The following ADGB variants were observed in gnomAD, a reference collection of about 807,000 sequenced individuals.
ADGB encodes calpain-7-like protein.
Under a neutral mutation model 210.5 loss-of-function variants are expected in ADGB, and 172 were observed. The observed-to-expected ratio is 0.82, with a 90% CI of 0.72 to 0.93. The LOEUF is 0.93. Ranked by LOEUF, ADGB falls within the 40% of genes least tolerant of loss-of-function variation. The pLI, the probability that ADGB is intolerant of heterozygous loss-of-function variation, is 0.00. For missense variants in ADGB, 2,025 were observed against 1,964.8 expected, an observed-to-expected ratio of 1.03 and a Z score of -0.58; for synonymous variants, 658 against 662.7, an observed-to-expected ratio of 0.99 and a Z score of 0.11.
At chr6:146,643,910 A>C (rs1027600531) in intron 2 of ADGB, among the ~76,000 whole-genome samples, 1 of 151,536 alleles carries the variant, frequency 6.6e-6, no homozygotes. Flanking sequence ...AAGATTTCAT[A>C]CTTCCTTACA....
At chr6:146,720,093 C>A (rs56113859) in intron 16 of ADGB, among the ~76,000 whole-genome samples, 32,898 of 151,732 alleles carry the variant, frequency 0.22, 4,443 homozygotes, top group Non-Finnish European at 0.32. Flanking sequence ...ATGTGAAAAA[C>A]TTTTAAAGTA....
At chr6:146,684,295 T>G (rs535523924) in intron 9 of ADGB, among the ~76,000 whole-genome samples, 233 of 152,272 alleles carry the variant, frequency 1.5e-3, no homozygotes, top group African/African-American at 5.3e-3. Context: ...TTTTAAAATT[T>G]TATCCATTTT....
At chr6:146,638,942 C>G (rs1472941951) in intron 2 of ADGB, 1 of 150,368 alleles carries the variant, frequency 6.7e-6, no homozygotes, top group Non-Finnish European at 1.5e-5. Context: ...CTCTCCAGAT[C>G]GTCTTGCCAT....
At chr6:146,707,073 T>C (rs1776584607) in intron 13 of ADGB, among the ~76,000 whole-genome samples, 1 of 152,144 alleles carries the variant, frequency 6.6e-6, no homozygotes, top group African/African-American at 2.4e-5. Flanking sequence ...TGTCTCAAGA[T>C]ATTCTAAAAA....
At chr6:146,616,795 G>A (rs1389193722) in intron 1 of ADGB, among the ~76,000 whole-genome samples, 1 of 151,846 alleles carries the variant, frequency 6.6e-6, no homozygotes, top group African/African-American at 2.4e-5. Flanking sequence ...TTATGTGTCT[G>A]GTTTTGTTGT....
intron 29 of ADGB, among the ~76,000 whole-genome samples, chr6:146,781,102 C>G (rs887830727): frequency 6.9e-6 from 1 of 145,096 alleles, no homozygotes; most frequent in East Asian, 2.0e-4. Flanking sequence ...CCGAGGCAGG[C>G]GGATCACGAG....
At chr6:146,810,950 C>G (rs1778294263) in intron 35 of ADGB, among the ~76,000 whole-genome samples, 1 of 152,134 alleles carries the variant, frequency 6.6e-6, no homozygotes, top group African/African-American at 2.4e-5. Flanking sequence ...ACACATATAT[C>G]AAACCATCCT....
At chr6:146,699,777 A>AC (rs1451485296) in intron 12 of ADGB, among the ~76,000 whole-genome samples, 2 of 152,112 alleles carry the variant, frequency 1.3e-5, no homozygotes, top group African/African-American at 4.8e-5. Flanking sequence ...AGAACTGCAG[A>AC]CCTCAAGGAC....
At chr6:146,649,001 A>G (rs545438291) in intron 3 of ADGB, among the ~76,000 whole-genome samples, 1 of 152,054 alleles carries the variant, frequency 6.6e-6, no homozygotes, top group African/African-American at 2.4e-5. Context: ...ATATCCAACA[A>G]GCATCCAAAA....
intron 2 of ADGB, among the ~76,000 whole-genome samples, chr6:146,641,452 G>A (rs568179446): frequency 6.0e-5 from 9 of 150,540 alleles, no homozygotes; most frequent in East Asian, 3.9e-4. Context: ...GCAATCCCAC[G>A]GGAAAAAAAA....
chr6:146,773,281 GAA>G (rs5880685), intron 29 of ADGB, among the ~76,000 whole-genome samples: 6 of 149,398 alleles, frequency 4.0e-5, no homozygotes, highest in East Asian at 2.0e-4. Context: ...CATACATAGA[GAA>G]AAAAAAAAGA....
chr6:146,680,983 A>C (rs1003642554), intron 9 of ADGB, among the ~76,000 whole-genome samples: 2 of 152,176 alleles, frequency 1.3e-5, no homozygotes, highest in Admixed American at 1.3e-4. Context: ...GGAGGATTGC[A>C]GGTGCAAGGT....
chr6:146,701,482 A>T lies in ADGB; in HGVS notation c.1707+412A>T, dbSNP rs184568153. ...CTATCACAGTGTTAGTGGCTGTATT[A>T]GTTGCTTCTTGTTTCTATTGTAAGA... On this transcript the variant is annotated intron_variant, in intron 13 of 35. Coordinates refer to ENST00000397944, the MANE Select transcript of ADGB (RefSeq NM_024694.4). Among the ~76,000 whole-genome samples, 283 of 152,116 alleles carry T rather than the reference A, an allele frequency of 1.9e-3. 1 individual carries two copies. The highest frequency in any genetic ancestry group is 6.7e-3 in the African/African-American group (278 of 41,542).
At chr6:146,694,392 A>G (rs554923671) in intron 12 of ADGB, among the ~76,000 whole-genome samples, 3 of 152,264 alleles carry the variant, frequency 2.0e-5, no homozygotes, top group African/African-American at 7.2e-5. Context: ...GAAGGGGTGA[A>G]TGAGCTCTCT....
chr6:146,740,553 T>C lies in ADGB; in HGVS notation c.2983T>C (p.Tyr995His). ...KIAFADYTVT[Y>H]QEQPPNSWFI... ...TGCTTTTGCAGATTATACTGTGACT[T>C]ATCAAGAACAGCCACCAAATTCTTG... Residue 995 changes from tyrosine (Y) to histidine (H), a missense_variant, in exon 24 of 36, where the codon TAT (tyrosine) becomes CAT (histidine). Transcript: ENST00000397944. 1 of 1,550,878 alleles carries C rather than the reference T, an allele frequency of 6.4e-7. No homozygotes were observed. Among genetic ancestry groups the C allele is most frequent in the South Asian group, 1.2e-5 (1 of 83,946 alleles).
At chr6:146,734,856 G>T (rs1777055780) in intron 22 of ADGB, among the ~76,000 whole-genome samples, 1 of 152,112 alleles carries the variant, frequency 6.6e-6, no homozygotes, top group African/African-American at 2.4e-5. Flanking sequence ...GTTGCAGCGA[G>T]CCTGAGCCAA....
intron 3 of ADGB, among the ~76,000 whole-genome samples, chr6:146,646,076 G>A (rs905205177): frequency 3.3e-5 from 5 of 152,194 alleles, no homozygotes; most frequent in Non-Finnish European, 7.4e-5. Flanking sequence ...AATTCCACAA[G>A]ATGATGATGT....
Position 146,803,092 on chromosome 6 carries a change from C to T in ADGB, c.4818+1081C>T, listed in dbSNP as rs1228508809. On this transcript the variant is annotated intron_variant, in intron 35 of 35. Coordinates refer to ENST00000397944, the MANE Select transcript of ADGB (RefSeq NM_024694.4). ...CCAAGTGAGATATATTGTTTTTCTTCCTGTAAACAATTGGTGAGCACAGGA... is the reference window on the plus strand; with the variant it reads ...CCAAGTGAGATATATTGTTTTTCTTTCTGTAAACAATTGGTGAGCACAGGA... 1.5e-5 allele frequency: 23 copies of T among 1,530,360 alleles called. No homozygotes were observed. The South Asian group carries it at 2.4e-4, about 16-fold the overall frequency. The allele number at this position is 1,530,360 out of a possible 1,614,324, so 94.8% of individuals were successfully genotyped here.
intron 33 of ADGB, among the ~76,000 whole-genome samples, chr6:146,798,271 A>C (rs1336308283): frequency 6.6e-6 from 1 of 152,220 alleles, no homozygotes; most frequent in Non-Finnish European, 1.5e-5. Flanking sequence ...CAACGTAAAT[A>C]GATTTTTCCA....
Sources: gnomAD v4.1 joint callset for allele counts (sites outside exome capture counted in the v4.1 genomes callset) on GRCh38, gnomAD v4.1.1 for gene constraint, MANE v1.5 for transcripts, NCBI Gene and HGNC (gene_info 2026-07-23, HGNC 2026-07-21) for gene names.